The following USP38 variants were observed in gnomAD, a reference collection of about 807,000 sequenced individuals.
USP38 encodes ubiquitin carboxyl-terminal hydrolase 38.
USP38 carries 49 observed loss-of-function variants against 94.3 expected under a neutral mutation model. The observed-to-expected ratio is 0.52, with a 90% confidence interval of 0.41 to 0.66. USP38 has a LOEUF of 0.66. USP38 is among the 30% of genes least tolerant of loss of function. The probability of loss-of-function intolerance (pLI) is 0.00; values close to 1 mark genes in which losing one functional copy is unlikely to be tolerated. For missense variants in USP38, 1,128 were observed against 1,229.4 expected (o/e 0.92, Z 1.23); for synonymous variants, 468 against 463.6 (o/e 1.01, Z -0.12).
chr4:143,219,260 G>T (rs1732261588), intron 9 of USP38, among the ~76,000 whole-genome samples: 1 of 152,064 alleles, frequency 6.6e-6, no homozygotes, highest in Non-Finnish European at 1.5e-5. Flanking sequence ...AGAAGATGCT[G>T]CATGCTACTG....
chr4:143,221,270 A>G lies in USP38; in HGVS notation c.*814A>G, dbSNP rs1225471451. 6.6e-6 allele frequency: 1 copy of G among 152,576 alleles called. No homozygotes were observed. The highest frequency in any genetic ancestry group is 1.5e-5 in the Non-Finnish European group (1 of 68,012). 9.5% of individuals were successfully genotyped at this position (152,576 alleles called of 1,614,324 possible). Reference sequence around the variant, plus strand: ...AGGAATCTTTGGCTGCAAAATTTTAATGAAATGTTAGGAAGTAATTTTCGT... The same window carrying G: ...AGGAATCTTTGGCTGCAAAATTTTAGTGAAATGTTAGGAAGTAATTTTCGT... On this transcript the variant is annotated 3_prime_UTR_variant, in exon 10 of 10. Transcript: ENST00000307017.
rs199934437 is a variant in USP38, at chr4:143,195,944, GTTA to G, written c.948+102_948+104del. 9,250 of 1,149,408 alleles carry G rather than the reference GTTA, an allele frequency of 8.0e-3. 155 individuals carry two copies. Among genetic ancestry groups the G allele is most frequent in the African/African-American group, 0.063 (3,907 of 62,294 alleles). 71.2% of individuals were successfully genotyped at this position (1,149,408 alleles called of 1,614,324 possible). A position where few individuals can be genotyped will look rare whatever the true frequency, so the allele number is the denominator to read the frequency against. ...CTTGAAAGCATCTAATTTTGAATATGTTATTGTTGTTTTGTTTTGAATAACAGT... is the reference window on the plus strand; with the variant it reads ...CTTGAAAGCATCTAATTTTGAATATGTTGTTGTTTTGTTTTGAATAACAGT... On this transcript the variant is annotated intron_variant, in intron 3 of 9. Transcript: ENST00000307017.
intron 8 of USP38, 133 bp downstream of exon 8, chr4:143,212,557 T>C (rs1467011157): frequency 3.9e-6 from 2 of 508,240 alleles, no homozygotes; most frequent in Non-Finnish European, 6.3e-6. Context: ...TTCTTGTATG[T>C]TTTTTATATT....
intron 4 of USP38, among the ~76,000 whole-genome samples, chr4:143,201,350 C>T (rs1436411698): frequency 6.6e-6 from 1 of 152,162 alleles, no homozygotes; most frequent in Non-Finnish European, 1.5e-5. Context: ...AAGCTGGACC[C>T]CTTCCTTACA....
rs747174553 is a variant in USP38 at position 143,202,186 on chromosome 4, A to G, written c.1051-1222A>G. On this transcript the variant is annotated intron_variant, in intron 4 of 9. Transcript: ENST00000307017. ...TGCTTAGAAATGTAAAGATGATAGC[A>G]ATAGAATGAACTCACTAGGAACTGG... Among the ~76,000 whole-genome samples, 34 of 152,270 alleles carry G rather than the reference A, an allele frequency of 2.2e-4. No individual in the cohort carries two copies. The Middle Eastern group carries it at 0.017, about 76-fold the overall frequency.
At chr4:143,193,835 T>C (rs1021214655) in intron 2 of USP38, among the ~76,000 whole-genome samples, 2 of 152,218 alleles carry the variant, frequency 1.3e-5, no homozygotes, top group Non-Finnish European at 2.9e-5. Context: ...CCTGTAATCC[T>C]AACACTTTAG....
chr4:143,213,587 T>G lies in USP38; in HGVS notation c.1611T>G (p.His537Gln), dbSNP rs748467598. 14 of 1,599,762 alleles carry G rather than the reference T, an allele frequency of 8.8e-6. No homozygotes were observed. The Admixed American group carries it at 1.9e-4, about 22-fold the overall frequency. ...ATGATATCCTCTGCTGCAGGCTCCA[T>G]GAAGAAGAAAAGATCTTGAAAGTTC... ...EYLRFLLDRL[H>Q]EEEKILKVQA... Residue 537 changes from histidine (H) to glutamine (Q), a missense_variant, in exon 9 of 10, where the codon CAT becomes CAG. Physicochemically the swap from His to Gln is conservative, Grantham distance 24 (BLOSUM62 0). Transcript: ENST00000307017.
intron 6 of USP38, among the ~76,000 whole-genome samples, chr4:143,207,751 A>G (rs992412641): frequency 2.0e-5 from 3 of 152,082 alleles, no homozygotes; most frequent in Non-Finnish European, 4.4e-5. Context: ...TCTTACCACC[A>G]GAGGTCATCT....
intron 6 of USP38, among the ~76,000 whole-genome samples, chr4:143,207,098 A>G (rs1399705999): frequency 6.6e-6 from 1 of 152,250 alleles, no homozygotes. Context: ...CAAAATAACG[A>G]TAAACTTTTC....
Position 143,191,048 on chromosome 4 carries a change from G to GTGATCCTATGTAA in USP38, c.818+3099_818+3100insATGATCCTATGTA, listed in dbSNP as rs368405060. ...GTATTACATTTCCAGTGTAGCCTGCGTGATCCTATGTACCCATAATCTACC... is the reference window on the plus strand; with the variant it reads ...GTATTACATTTCCAGTGTAGCCTGCGTGATCCTATGTAATGATCCTATGTACCCATAATCTACC... On this transcript the variant is annotated intron_variant, in intron 2 of 9. Coordinates refer to ENST00000307017, the MANE Select transcript of USP38 (RefSeq NM_032557.6). Among the ~76,000 whole-genome samples, 333 of 152,016 alleles carry GTGATCCTATGTAA rather than the reference G, an allele frequency of 2.2e-3. 1 individual carries two copies. Among genetic ancestry groups the GTGATCCTATGTAA allele is most frequent in the African/African-American group, 7.9e-3 (328 of 41,458 alleles).
chr4:143,212,247 A>G, intron 7 of USP38, 71 bp from the exon 8 acceptor site: 5 of 1,293,448 alleles, frequency 3.9e-6, no homozygotes, highest in Non-Finnish European at 5.4e-6. Flanking sequence ...AACACTGTAT[A>G]TTAAGATTTC....
chr4:143,198,904 G>GA lies in USP38; in HGVS notation c.1050+988dup, dbSNP rs199648436. ...CAGGTGTACTAGCAAAGTCTTCCAA[G>GA]AAAAAAAACATCAATTACTTGTCCT... On this transcript the variant is annotated intron_variant, in intron 4 of 9. Coordinates refer to ENST00000307017, the MANE Select transcript of USP38 (RefSeq NM_032557.6). 1.1e-3 allele frequency among the ~76,000 whole-genome samples: 162 copies of GA among 151,356 alleles called. 1 individual carries two copies. Among genetic ancestry groups the GA allele is most frequent in the African/African-American group, 3.8e-3 (156 of 41,300 alleles).
chr4:143,213,735 GAAA>G lies in USP38; in HGVS notation c.1763_1765del (p.Lys588del). 1 of 1,613,716 alleles carries G rather than the reference GAAA, an allele frequency of 6.2e-7. No individual in the cohort carries two copies. The highest frequency in any genetic ancestry group is 8.5e-7 in the Non-Finnish European group (1 of 1,179,796). ...AAGTGACGGTGAGAAGACTTTAATA[GAAA>G]AAATGTTTGGAGGAAAACTACGAAC... On this transcript the variant is annotated inframe_deletion, in exon 9 of 10. Coordinates refer to ENST00000307017, the MANE Select transcript of USP38 (RefSeq NM_032557.6).
In USP38 at chr4:143,185,993, G is replaced by T. The variant is rs897192869; in HGVS notation, c.543G>T (p.Val181=). ...GAACGATAGGCCATTTCCAGTGCGT[G>T]TCCACCCAGGAAAGAGAGCTGCGGG... is the stretch of plus-strand genomic sequence containing the variant. The part of the protein sequence containing the change: ...LVRTIGHFQC[V]STQERELREY... The change falls in exon 1 of 10, where the codon GTG becomes GTT. Residue 181 remains valine, a synonymous_variant. Coordinates refer to ENST00000307017, the MANE Select transcript of USP38 (RefSeq NM_032557.6). 1 of 1,614,170 alleles carries T rather than the reference G, an allele frequency of 6.2e-7. No homozygotes were observed. Among genetic ancestry groups the T allele is most frequent in the Admixed American group, 1.7e-5 (1 of 60,028 alleles).
chr4:143,200,725 C>T (rs1386461776), intron 4 of USP38, among the ~76,000 whole-genome samples: 1 of 152,170 alleles, frequency 6.6e-6, no homozygotes, highest in Non-Finnish European at 1.5e-5. Context: ...CATTCCTATA[C>T]ACCAACAGCA....
chr4:143,197,940 A>T lies in USP38; in HGVS notation c.1050+16A>T, dbSNP rs1317736262. The stretch of plus-strand genomic sequence containing the variant: ...GTTCCATTTGGTAAGTTATGACATA[A>T]ACGTTCTACTTTGAAAAAGCCTCAA... On this transcript the variant is annotated intron_variant, in intron 4 of 9. Coordinates refer to ENST00000307017, the MANE Select transcript of USP38 (RefSeq NM_032557.6). 1.7e-5 allele frequency: 26 copies of T among 1,559,750 alleles called. No homozygotes were observed. Among genetic ancestry groups the T allele is most frequent in the Non-Finnish European group, 2.2e-5 (25 of 1,145,772 alleles).
Position 143,214,567 on chromosome 4 carries a change from A to G in USP38, c.2591A>G (p.Asn864Ser). 2.5e-6 allele frequency: 4 copies of G among 1,613,554 alleles called. No individual in the cohort carries two copies. Among genetic ancestry groups the G allele is most frequent in the African/African-American group, 1.3e-5 (1 of 75,014 alleles). ...ESGHYYSYAR[N>S]ITSTDSSYQM... ...GGGCATTACTATTCTTATGCCAGGA[A>G]TATCACAAGTACAGACTCTTCATAT... Residue 864 changes from asparagine (N) to serine (S), a missense_variant, in exon 9 of 10, where the codon AAT (asparagine) becomes AGT (serine). By Grantham distance (46) the Asn-to-Ser change is conservative. Coordinates refer to ENST00000307017, the MANE Select transcript of USP38 (RefSeq NM_032557.6).
In USP38 at chr4:143,221,602, C is replaced by G. The variant is rs952432649; in HGVS notation, c.*1146C>G. ...ATGTTAAAATGCCAAACCCTACCTT[C>G]CTACACTTTTTCTTTTGCCAGGAAA... On this transcript the variant is annotated 3_prime_UTR_variant, in exon 10 of 10. Transcript: ENST00000307017. The G allele has an allele frequency of 6.6e-6, 1 of 152,208 alleles. No individual in the cohort carries two copies. 9.4% of individuals were successfully genotyped at this position (152,208 alleles called of 1,614,324 possible). A position where few individuals can be genotyped will look rare whatever the true frequency, so the allele number is the denominator to read the frequency against.
chr4:143,208,466 T>C (rs1247519628), intron 6 of USP38, among the ~76,000 whole-genome samples: 3 of 152,146 alleles, frequency 2.0e-5, no homozygotes, highest in Non-Finnish European at 4.4e-5. Context: ...GATACCAATA[T>C]AAGATTGTAC....
Sources: gnomAD v4.1 joint callset for allele counts (sites outside exome capture counted in the v4.1 genomes callset) on GRCh38, gnomAD v4.1.1 for gene constraint, MANE v1.5 for transcripts, NCBI Gene and HGNC (gene_info 2026-07-23, HGNC 2026-07-21) for gene names.